The following SP140 variants were observed in gnomAD, a reference collection of about 807,000 sequenced individuals.
SP140 encodes nuclear body protein SP140.
In SP140, 81 loss-of-function variants were observed where a neutral mutation model predicts 125.0. The observed-to-expected ratio is 0.65, with a 90% confidence interval of 0.54 to 0.78. The LOEUF (loss-of-function observed/expected upper bound fraction) is 0.78. Among genes scored for constraint, SP140 ranks in the 30% least tolerant of loss-of-function variants. The pLI is 0.00. For synonymous variants in SP140, 312 were observed against 354.0 expected, an observed-to-expected ratio of 0.88 and a Z score of 1.33; for missense variants, 858 against 1,037.0, an observed-to-expected ratio of 0.83 and a Z score of 2.37.
chr2:230,278,952 A>G (rs917313526), intron 15 of SP140, among the ~76,000 whole-genome samples: 5 of 152,144 alleles, frequency 3.3e-5, no homozygotes, highest in African/African-American at 1.2e-4. Context: ...TATAGACTCC[A>G]TCAAAAAACT....
chr2:230,207,552 T>A (rs2044006126), intron 1 of SP140, among the ~76,000 whole-genome samples: 1 of 152,174 alleles, frequency 6.6e-6, no homozygotes, highest in Non-Finnish European at 1.5e-5. Context: ...CTAAGAGTTA[T>A]CCCCCAATAT....
intron 19 of SP140, 93 bp from the exon 20 acceptor site, chr2:230,292,553 A>G (rs1336127516): frequency 2.0e-6 from 3 of 1,522,058 alleles, no homozygotes; most frequent in Non-Finnish European, 2.7e-6. Context: ...CTGCATCACA[A>G]ATTGGGTGGC....
chr2:230,286,465 G>A (rs1357774849), intron 17 of SP140, among the ~76,000 whole-genome samples: 5 of 152,308 alleles, frequency 3.3e-5, no homozygotes, highest in South Asian at 2.1e-4. Flanking sequence ...AGGTGAGAGA[G>A]ATGGGTGAGA....
At chr2:230,304,439 T>C (rs1053995114) in intron 22 of SP140, among the ~76,000 whole-genome samples, 4 of 152,206 alleles carry the variant, frequency 2.6e-5, no homozygotes, top group African/African-American at 9.6e-5. Context: ...AGAGCTCATG[T>C]AGCCAAAGCA....
At chr2:230,250,772 G>A (rs977889059) in intron 9 of SP140, among the ~76,000 whole-genome samples, 1 of 152,104 alleles carries the variant, frequency 6.6e-6, no homozygotes, top group Non-Finnish European at 1.5e-5. Context: ...AGTCCAGGCA[G>A]CAAGTGAGCT....
rs542029587 is a variant in SP140 at position 230,297,750 on chromosome 2, A to G, written c.2058+288A>G. 2.1e-3 allele frequency among the ~76,000 whole-genome samples: 318 copies of G among 152,322 alleles called. 1 individual carries two copies. The highest frequency in any genetic ancestry group is 3.2e-3 in the Non-Finnish European group (217 of 68,026). On this transcript the variant is annotated intron_variant, in intron 22 of 26. Transcript: ENST00000392045. ...CTCCAGACCACTGAGGTCTCTTGAGACAGAGCCTGAAGTGGTAATGGGTAG... is the reference window on the plus strand; with the variant it reads ...CTCCAGACCACTGAGGTCTCTTGAGGCAGAGCCTGAAGTGGTAATGGGTAG...
In SP140 at chr2:230,284,931, A is replaced by G. The variant is rs576573695; in HGVS notation, c.1564+520A>G. Among the ~76,000 whole-genome samples the G allele has an allele frequency of 5.3e-5, 8 of 152,296 alleles. 1 individual carries two copies. Among genetic ancestry groups the G allele is most frequent in the African/African-American group, 1.9e-4 (8 of 41,580 alleles). ...ATATATGCAGTGGTTACATTTGGTCAGTGTAATAGAGGTGATGTTTATATA... is the reference window on the plus strand; with the variant it reads ...ATATATGCAGTGGTTACATTTGGTCGGTGTAATAGAGGTGATGTTTATATA... On this transcript the variant is annotated intron_variant, in intron 16 of 26. Transcript: ENST00000392045.
At chr2:230,213,463 A>G (rs2044724661) in intron 1 of SP140, among the ~76,000 whole-genome samples, 1 of 152,174 alleles carries the variant, frequency 6.6e-6, no homozygotes, top group South Asian at 2.1e-4. Flanking sequence ...GTGTATTAGG[A>G]CATTTATATT....
In SP140 at chr2:230,204,245, G is replaced by A. The variant is rs548948564; in HGVS notation, c.-323+966G>A. ...TGACCATCTGACACTGACTCCAGAG[G>A]TTTCCCCTCTCTAACAAAGTCACTT... On this transcript the variant is annotated intron_variant, in intron 1 of 4. Coordinates refer to the SP140 transcript ENST00000456542. Among the ~76,000 whole-genome samples the A allele has an allele frequency of 4.6e-5, 7 of 152,288 alleles. No individual in the cohort carries two copies. In the South Asian group the frequency reaches 1.5e-3, roughly 32 times the overall value.
intron 1 of SP140, chr2:230,212,880 C>G (rs201187540): frequency 1.9e-6 from 3 of 1,614,070 alleles, no homozygotes; most frequent in Non-Finnish European, 2.5e-6. Flanking sequence ...CTCACTGACT[C>G]TTGGCGCACA....
intron 10 of SP140, 83 bp from the exon 11 acceptor site, chr2:230,253,233 G>C: frequency 1.1e-6 from 1 of 942,186 alleles, no homozygotes; most frequent in Admixed American, 1.8e-5. Flanking sequence ...GAACAAGACA[G>C]GGGTGGCTCT....
chr2:230,292,647 A>G lies in SP140; in HGVS notation c.1827A>G (p.Gly609=). 1 of 1,614,170 alleles carries G rather than the reference A, an allele frequency of 6.2e-7. No homozygotes were observed. The highest frequency in any genetic ancestry group is 1.1e-5 in the South Asian group (1 of 91,086). ...GATCAAGTTACCCTGGTCTTACAGG[A>G]ATCTTGGTGAAGTGTATACAGACTG... ...GILHKKKLQQ[G]ILVKCIQTED... The change falls in exon 20 of 27, where the codon GGA becomes GGG. Residue 609 remains glycine, a splice_region_variant and synonymous_variant. Coordinates refer to ENST00000392045, the MANE Select transcript of SP140 (RefSeq NM_007237.5).
At chr2:230,299,105 C>G (rs1198920748) in intron 22 of SP140, among the ~76,000 whole-genome samples, 1 of 152,244 alleles carries the variant, frequency 6.6e-6, no homozygotes, top group African/African-American at 2.4e-5. Flanking sequence ...GCTCCTCCTA[C>G]TCAGATGGAC....
At chr2:230,310,915 G>A (rs1258653621) in intron 24 of SP140, 64 bp downstream of exon 24, 21 of 786,254 alleles carry the variant, frequency 2.7e-5, no homozygotes, top group Non-Finnish European at 3.8e-5. Flanking sequence ...ATGAACAAGC[G>A]CAAGGGCAGG....
At chr2:230,293,904 T>G (rs1409271826) in intron 20 of SP140, among the ~76,000 whole-genome samples, 1 of 152,192 alleles carries the variant, frequency 6.6e-6, no homozygotes, top group East Asian at 1.9e-4. Context: ...GAATTACTGA[T>G]ACCCAGTAGC....
chr2:230,261,909 G>A (rs549432833), intron 12 of SP140, among the ~76,000 whole-genome samples: 5 of 152,234 alleles, frequency 3.3e-5, no homozygotes, highest in African/African-American at 7.2e-5. Flanking sequence ...CCAGTCTGTA[G>A]TTTTCTTTTT....
intron 11 of SP140, among the ~76,000 whole-genome samples, chr2:230,254,240 G>A (rs1035689939): frequency 1.3e-5 from 2 of 152,152 alleles, no homozygotes; most frequent in African/African-American, 2.4e-5. Flanking sequence ...GAGGAAAGGA[G>A]CGGGTTGAGG....
chr2:230,217,812 G>T (rs2045389691), intron 3 of SP140, among the ~76,000 whole-genome samples: 1 of 152,218 alleles, frequency 6.6e-6, no homozygotes, highest in South Asian at 2.1e-4. Flanking sequence ...AACTAGCAAT[G>T]CTCATGCAAC....
intron 7 of SP140, among the ~76,000 whole-genome samples, chr2:230,246,242 G>A (rs2049434300): frequency 6.6e-6 from 1 of 152,184 alleles, no homozygotes; most frequent in African/African-American, 2.4e-5. Context: ...AGCTCAGACT[G>A]GTTGGGGCTT....
Sources: allele counts gnomAD v4.1 joint callset (sites outside exome capture counted in the v4.1 genomes callset), GRCh38; gene constraint gnomAD v4.1.1; transcripts MANE v1.5; gene names NCBI Gene and HGNC (gene_info 2026-07-23, HGNC 2026-07-21).